RSF1: variants seen among roughly 807,000 people sequenced by gnomAD.
RSF1 encodes HBV pX-associated protein 8.
In RSF1, 13 loss-of-function variants were observed where a neutral mutation model predicts 145.2. The observed-to-expected ratio is 0.09, with a 90% confidence interval of 0.06 to 0.14. RSF1 has a LOEUF of 0.14. Ranked by LOEUF, RSF1 falls within the 10% of genes least tolerant of loss-of-function variation. RSF1 has a pLI of 1.00. For synonymous variants in RSF1, 577 were observed against 592.6 expected (o/e 0.97, Z 0.38); for missense variants, 1,517 against 1,718.2 (o/e 0.88, Z 2.07).
chr11:77,787,716 A>G (rs967213131), intron 1 of RSF1, among the ~76,000 whole-genome samples: 1 of 152,204 alleles, frequency 6.6e-6, no homozygotes, highest in Admixed American at 6.5e-5. Context: ...CATAATGCAG[A>G]ACAAATATCA....
intron 1 of RSF1, among the ~76,000 whole-genome samples, chr11:77,811,552 G>C (rs985326149): frequency 2.6e-5 from 4 of 152,198 alleles, no homozygotes; most frequent in African/African-American, 9.7e-5. Context: ...GATGCTTAAA[G>C]AGCAGACTAA....
chr11:77,690,785 G>A (rs1008364837), intron 9 of RSF1, among the ~76,000 whole-genome samples: 9 of 152,232 alleles, frequency 5.9e-5, no homozygotes, highest in Admixed American at 5.9e-4. Context: ...TAATAAGCAT[G>A]CAATCTTGGC....
chr11:77,859,701 G>A, the RSF1 span, among the ~76,000 whole-genome samples: 3 of 152,140 alleles, frequency 2.0e-5, no homozygotes, highest in Admixed American at 2.0e-4. Flanking sequence ...TTGAGGTTGG[G>A]ATCAGTCAAG....
chr11:77,701,382 T>G lies in RSF1; in HGVS notation c.1847A>C (p.Glu616Ala). ...CTCAGGAGAGCCAGGCTTTTCTGAC[T>G]CTAGAGTACTCTTTGGAACTTCTTC... ...IPEEVPKSTL[E>A]SEKPGSPEAA... The change falls in exon 6 of 16, where the codon GAG (glutamate) becomes GCG (alanine). Residue 616 changes from glutamate to alanine, a missense_variant. By Grantham distance (107) the Glu-to-Ala change is moderately radical. Around this residue, in one of 12 missense-constraint regions of RSF1, gnomAD observed 579 missense variants for 553.5 expected, o/e 1.05. Transcript: ENST00000308488. The G allele has an allele frequency of 1.2e-6, 2 of 1,613,978 alleles. No homozygotes were observed. The highest frequency in any genetic ancestry group is 1.7e-6 in the Non-Finnish European group (2 of 1,180,002).
the RSF1 span, among the ~76,000 whole-genome samples, chr11:77,839,358 T>A: frequency 5.9e-5 from 9 of 152,204 alleles, no homozygotes; most frequent in Non-Finnish European, 1.3e-4. Flanking sequence ...GGAATGCTTT[T>A]ACACTATTGG....
intron 9 of RSF1, among the ~76,000 whole-genome samples, chr11:77,689,901 C>T (rs538373927): frequency 1.1e-4 from 17 of 152,280 alleles, no homozygotes; most frequent in Middle Eastern, 3.4e-3. Flanking sequence ...CAGTGGCTCA[C>T]GCCTGTAATC....
the RSF1 span, among the ~76,000 whole-genome samples, chr11:77,852,388 C>T: frequency 6.6e-6 from 1 of 152,068 alleles, no homozygotes; most frequent in Non-Finnish European, 1.5e-5. Flanking sequence ...TCCTGTCTGT[C>T]TTGATTTTAA....
At chr11:77,863,804 T>G in the RSF1 span, among the ~76,000 whole-genome samples, 1 of 151,980 alleles carries the variant, frequency 6.6e-6, no homozygotes, top group African/African-American at 2.4e-5. Context: ...TGTGAGCCTC[T>G]CTGCCTACCC....
chr11:77,705,519 G>C (rs1217615368), intron 5 of RSF1, among the ~76,000 whole-genome samples: 2 of 152,208 alleles, frequency 1.3e-5, no homozygotes, highest in Non-Finnish European at 2.9e-5. Flanking sequence ...ACACTGAGTT[G>C]CCTGCCGATT....
At chr11:77,819,980 C>T (rs1239244121) in intron 1 of RSF1, among the ~76,000 whole-genome samples, 1 of 152,086 alleles carries the variant, frequency 6.6e-6, no homozygotes, top group Non-Finnish European at 1.5e-5. Flanking sequence ...CAGGGGAGTT[C>T]CCAACAGAGG....
At chr11:77,841,366 G>A in the RSF1 span, 3 of 584,196 alleles carry the variant, frequency 5.1e-6, no homozygotes, top group African/African-American at 3.7e-5. Flanking sequence ...TGTTCTGTTA[G>A]AGTTTTTTCC....
intron 1 of RSF1, among the ~76,000 whole-genome samples, chr11:77,794,783 C>T (rs1055242102): frequency 1.3e-5 from 2 of 152,036 alleles, no homozygotes; most frequent in South Asian, 2.1e-4. Context: ...CCTCTAAGAA[C>T]TGAAACAAGA....
intron 3 of RSF1, among the ~76,000 whole-genome samples, chr11:77,743,527 T>C: frequency 6.6e-6 from 1 of 152,248 alleles, no homozygotes; most frequent in East Asian, 1.9e-4. Context: ...TTGTCTGTGA[T>C]TTATGAGTAG....
At chr11:77,703,220 A>G (rs1180737144) in intron 5 of RSF1, 1 of 152,184 alleles carries the variant, frequency 6.6e-6, no homozygotes, top group East Asian at 1.9e-4. Context: ...TTAGTACTAT[A>G]CAAAGAAACT....
At chr11:77,716,904 A>C (rs900134421) in intron 5 of RSF1, among the ~76,000 whole-genome samples, 1 of 152,174 alleles carries the variant, frequency 6.6e-6, no homozygotes, top group Non-Finnish European at 1.5e-5. Context: ...CCAGCCAGGC[A>C]TGCTGGCTCA....
chr11:77,671,179 T>TATATATATA (rs1959536245), intron 15 of RSF1, among the ~76,000 whole-genome samples: 1 of 84,610 alleles, frequency 1.2e-5, no homozygotes, highest in Admixed American at 1.4e-4. Flanking sequence ...ATATATATAT[T>TATATATATA]TATATGTATA....
intron 5 of RSF1, among the ~76,000 whole-genome samples, chr11:77,724,145 T>C (rs915283366): frequency 2.6e-5 from 4 of 152,070 alleles, no homozygotes; most frequent in African/African-American, 7.2e-5. Context: ...AATAAACACT[T>C]GAAAAGATAG....
intron 7 of RSF1, among the ~76,000 whole-genome samples, chr11:77,695,951 T>C (rs1960267762): frequency 6.6e-6 from 1 of 152,172 alleles, no homozygotes; most frequent in Non-Finnish European, 1.5e-5. Context: ...AACCCTAGTA[T>C]AGATGAAGTT....
At chr11:77,807,494 CA>C (rs1373107640) in intron 1 of RSF1, among the ~76,000 whole-genome samples, 2 of 152,182 alleles carry the variant, frequency 1.3e-5, no homozygotes, top group African/African-American at 2.4e-5. Flanking sequence ...ATCAAAGACA[CA>C]AGGAGGTTAA....
Sources: gnomAD v4.1 joint callset for allele counts (sites outside exome capture counted in the v4.1 genomes callset) on GRCh38, gnomAD v4.1.1 for gene constraint, gnomAD v4.1.1 regional missense constraint, MANE v1.5 for transcripts, NCBI Gene and HGNC (gene_info 2026-07-23, HGNC 2026-07-21) for gene names.